Variants in CCDC7 observed in about 807,000 individuals in gnomAD.
CCDC7 encodes coiled-coil domain containing 7.
A neutral mutation model predicts 196.9 loss-of-function variants in CCDC7; 183 were observed. That is an observed-to-expected ratio of 0.93 (90% CI 0.82 to 1.05). The LOEUF (loss-of-function observed/expected upper bound fraction) is 1.05. Among genes scored for constraint, CCDC7 ranks in the 50% least tolerant of loss-of-function variants. The probability of loss-of-function intolerance (pLI) is 0.00; values close to 1 mark genes in which losing one functional copy is unlikely to be tolerated. For missense variants in CCDC7, 1,540 were observed against 1,482.2 expected (o/e 1.04, Z -0.64); for synonymous variants, 525 against 484.6 (o/e 1.08, Z -1.10).
Position 32,517,535 on chromosome 10 carries a change from A to G in CCDC7, c.873-410A>G, listed in dbSNP as rs7093581. Among the ~76,000 whole-genome samples, 1,054 of 148,602 alleles carry G rather than the reference A, an allele frequency of 7.1e-3. 13 individuals carry two copies. Among genetic ancestry groups the G allele is most frequent in the African/African-American group, 0.025 (1,005 of 40,414 alleles). The stretch of plus-strand genomic sequence containing the variant: ...TTCATCTGTATTAAAATCTTTACAA[A>G]GAAAATGTGTGTGTTAGGTGGGAAT... On this transcript the variant is annotated intron_variant, in intron 9 of 41. Transcript: ENST00000639629.
intron 24 of CCDC7, among the ~76,000 whole-genome samples, chr10:32,708,231 C>G (rs1295697132): frequency 6.6e-6 from 1 of 152,174 alleles, no homozygotes; most frequent in African/African-American, 2.4e-5. Context: ...AAAGGATTCC[C>G]TATTTAATAA....
intron 33 of CCDC7, among the ~76,000 whole-genome samples, chr10:32,839,456 T>TA (rs1359097657): frequency 3.3e-5 from 5 of 151,828 alleles, no homozygotes; most frequent in Non-Finnish European, 7.4e-5. Flanking sequence ...AGCAGGAAAA[T>TA]ATCACAATTC....
intron 8 of CCDC7, among the ~76,000 whole-genome samples, chr10:32,479,147 CTCTT>C (rs2039526223): frequency 6.6e-6 from 1 of 152,040 alleles, no homozygotes; most frequent in Non-Finnish European, 1.5e-5. Context: ...GGGATGGTCC[CTCTT>C]TCTTTTTTTG....
rs1564558536 is a variant in CCDC7 at position 32,528,680 on chromosome 10, GCA to G, written c.993+10176_993+10177del. Among the ~76,000 whole-genome samples, 194 of 137,340 alleles carry G rather than the reference GCA, an allele frequency of 1.4e-3. 2 individuals carry two copies. In the East Asian group the frequency reaches 0.034, roughly 24 times the overall value. The allele number at this position is 137,340 out of a possible 152,430, so 90.1% of individuals were successfully genotyped here. On this transcript the variant is annotated intron_variant, in intron 11 of 41. Coordinates refer to ENST00000639629, the Ensembl canonical transcript of CCDC7. ...TATATATACACACACATATATATAT[GCA>G]TATATATACACACACATATATATGT...
intron 11 of CCDC7, among the ~76,000 whole-genome samples, chr10:32,521,176 G>T (rs2047822734): frequency 6.6e-6 from 1 of 151,896 alleles, no homozygotes; most frequent in African/African-American, 2.4e-5. Flanking sequence ...TATTTCTTTT[G>T]CTCAGGATAG....
chr10:32,671,824 G>A (rs2074113297), intron 21 of CCDC7, among the ~76,000 whole-genome samples: 1 of 152,130 alleles, frequency 6.6e-6, no homozygotes, highest in African/African-American at 2.4e-5. Flanking sequence ...TGTCACCTTT[G>A]TGTAGCTCTG....
intron 28 of CCDC7, among the ~76,000 whole-genome samples, chr10:32,745,816 T>A (rs1046186305): frequency 1.3e-5 from 2 of 152,198 alleles, no homozygotes; most frequent in African/African-American, 4.8e-5. Flanking sequence ...ACTGACACCT[T>A]GAAAATATTG....
At chr10:32,855,821 TC>T (rs1476760375) in intron 41 of CCDC7, among the ~76,000 whole-genome samples, 1 of 152,166 alleles carries the variant, frequency 6.6e-6, no homozygotes, top group Non-Finnish European at 1.5e-5. Context: ...CTTCATAATT[TC>T]GAAGCTTACT....
intron 18 of CCDC7, among the ~76,000 whole-genome samples, chr10:32,598,779 A>G (rs1462689972): frequency 6.6e-6 from 1 of 152,174 alleles, no homozygotes; most frequent in African/African-American, 2.4e-5. Context: ...AAGATACTTC[A>G]TATTCATTTT....
intron 21 of CCDC7, among the ~76,000 whole-genome samples, chr10:32,671,977 G>A (rs918908595): frequency 3.3e-5 from 5 of 152,154 alleles, no homozygotes; most frequent in African/African-American, 1.2e-4. Context: ...TCTCAGTGAG[G>A]AAGTTTTGCT....
At position 32,517,915 on chromosome 10, in the gene CCDC7, T is replaced by C. The variant is rs749656262; in HGVS notation, c.873-30T>C. 2.5e-6 allele frequency: 4 copies of C among 1,587,610 alleles called. No homozygotes were observed. The Admixed American group carries it at 5.4e-5, about 21-fold the overall frequency. On this transcript the variant is annotated intron_variant, in intron 9 of 41. Coordinates refer to ENST00000639629, the Ensembl canonical transcript of CCDC7. ...AAATTAAAATATAAATGTACAATTA[T>C]AAACACACTTTTTTTGGTTTATTTT...
intron 13 of CCDC7, among the ~76,000 whole-genome samples, chr10:32,548,537 C>T (rs185659256): frequency 1.4e-4 from 21 of 152,270 alleles, no homozygotes; most frequent in African/African-American, 4.3e-4. Context: ...ACAAAGAACA[C>T]GGGAGCTGAA....
intron 8 of CCDC7, chr10:32,481,637 A>G (rs1444297814): frequency 6.6e-6 from 1 of 152,130 alleles, no homozygotes; most frequent in Non-Finnish European, 1.5e-5. Flanking sequence ...TTTCATATGT[A>G]TTTGTGTTAC....
intron 8 of CCDC7, among the ~76,000 whole-genome samples, chr10:32,486,986 C>T (rs1446089435): frequency 5.3e-5 from 8 of 151,888 alleles, no homozygotes; most frequent in African/African-American, 1.5e-4. Context: ...TTGCTGTTCT[C>T]GAGGAATGTC....
rs1023601751 is a variant in CCDC7, at chr10:32,729,603, C to A, written c.2905+146C>A. On this transcript the variant is annotated intron_variant, in intron 28 of 41. Coordinates refer to ENST00000639629, the Ensembl canonical transcript of CCDC7. ...CCAGATCTTTATTGATAACTTGTTT[C>A]TTTTATAATTACTCAGTTGCATGTG... 7.4e-6 allele frequency: 3 copies of A among 408,148 alleles called. No individual in the cohort carries two copies. In the South Asian group the frequency reaches 1.9e-4, roughly 26 times the overall value. The allele number at this position is 408,148 out of a possible 1,614,324, so 25.3% of individuals were successfully genotyped here.
At chr10:32,671,777 G>A (rs979265771) in intron 21 of CCDC7, among the ~76,000 whole-genome samples, 1 of 152,088 alleles carries the variant, frequency 6.6e-6, no homozygotes, top group East Asian at 1.9e-4. Flanking sequence ...TGCTGGGTGG[G>A]CTGCTGCAGT....
chr10:32,773,319 T>C (rs186766727), intron 28 of CCDC7, among the ~76,000 whole-genome samples: 29 of 152,196 alleles, frequency 1.9e-4, no homozygotes, highest in African/African-American at 6.8e-4. Context: ...GTTAGCTTAT[T>C]TGATGTTGTC....
At chr10:32,458,511 T>TCTCA (rs895688609) in intron 3 of CCDC7, among the ~76,000 whole-genome samples, 1 of 145,504 alleles carries the variant, frequency 6.9e-6, no homozygotes, top group African/African-American at 2.6e-5. Flanking sequence ...AGAGACAAGG[T>TCTCA]CTCACTTTGT....
chr10:32,612,354 G>A lies in CCDC7; in HGVS notation c.1802-21900G>A, dbSNP rs556504615. Among the ~76,000 whole-genome samples, 5 of 20,068 alleles carry A rather than the reference G, an allele frequency of 2.5e-4. 1 individual carries two copies. Among genetic ancestry groups the A allele is most frequent in the African/African-American group, 2.7e-4 (5 of 18,512 alleles). The allele number at this position is 20,068 out of a possible 152,430, so 13.2% of individuals were successfully genotyped here. A position where few individuals can be genotyped will look rare whatever the true frequency, so the allele number is the denominator to read the frequency against. ...TGGGGTTTTCTAAATATACAATCAT[G>A]TCATCTGCAACAGAGAGAATTTGAC... On this transcript the variant is annotated intron_variant, in intron 18 of 41. Transcript: ENST00000639629.
Sources: gnomAD v4.1 joint callset for allele counts (sites outside exome capture counted in the v4.1 genomes callset) on GRCh38, gnomAD v4.1.1 for gene constraint, MANE v1.5 for transcripts, NCBI Gene and HGNC (gene_info 2026-07-23, HGNC 2026-07-21) for gene names.